Variants in PTPRM observed in about 807,000 individuals in gnomAD.
The protein encoded by PTPRM is receptor-type tyrosine-protein phosphatase mu.
A neutral mutation model predicts 186.7 loss-of-function variants in PTPRM; 47 were observed. The ratio of observed to expected loss-of-function variants is 0.25; its 90% CI spans 0.20 to 0.32. PTPRM has a LOEUF of 0.32. PTPRM is among the 10% of genes least tolerant of loss of function. The pLI is 1.00. For missense variants in PTPRM, 1,494 were observed against 1,865.0 expected (o/e 0.80, Z 3.66); for synonymous variants, 668 against 674.9 (o/e 0.99, Z 0.16).
At chr18:8,167,643 A>G (rs2093342057) in intron 14 of PTPRM, among the ~76,000 whole-genome samples, 1 of 152,218 alleles carries the variant, frequency 6.6e-6, no homozygotes, top group South Asian at 2.1e-4. Context: ...TCTTGGAAGC[A>G]TCTGTGGTCC....
intron 1 of PTPRM, among the ~76,000 whole-genome samples, chr18:7,597,469 T>G (rs1386505806): frequency 6.6e-6 from 1 of 152,140 alleles, no homozygotes; most frequent in Non-Finnish European, 1.5e-5. Flanking sequence ...GTTTTGTTAC[T>G]CTCTTTGGCA....
At chr18:7,875,514 C>T (rs1437557811) in intron 2 of PTPRM, among the ~76,000 whole-genome samples, 7 of 152,026 alleles carry the variant, frequency 4.6e-5, no homozygotes, top group East Asian at 2.0e-4. Flanking sequence ...TTAGCAGAGA[C>T]GGGGTTTCAC....
intron 1 of PTPRM, among the ~76,000 whole-genome samples, chr18:7,669,342 G>A (rs921624446): frequency 1.3e-5 from 2 of 151,300 alleles, no homozygotes; most frequent in African/African-American, 4.9e-5. Context: ...TGGCTTGGGT[G>A]TTGAGCAGGG....
At chr18:7,698,073 A>G (rs982335568) in intron 1 of PTPRM, among the ~76,000 whole-genome samples, 8 of 152,228 alleles carry the variant, frequency 5.3e-5, no homozygotes, top group African/African-American at 1.9e-4. Context: ...ACTGTGGAAG[A>G]CATGAGTGGT....
intron 1 of PTPRM, among the ~76,000 whole-genome samples, chr18:7,643,404 A>G (rs2038490099): frequency 6.6e-6 from 1 of 152,046 alleles, no homozygotes; most frequent in Admixed American, 6.5e-5. Flanking sequence ...CAGTGGTGCA[A>G]TCTTGGCTTA....
intron 4 of PTPRM, among the ~76,000 whole-genome samples, chr18:7,914,968 A>T (rs529981838): frequency 1.3e-5 from 2 of 152,300 alleles, no homozygotes; most frequent in East Asian, 1.9e-4. Flanking sequence ...GTTAGGACAT[A>T]GTCCTCTTGT....
chr18:7,834,738 C>T (rs1161130151), intron 2 of PTPRM, among the ~76,000 whole-genome samples: 1 of 151,694 alleles, frequency 6.6e-6, no homozygotes, highest in African/African-American at 2.4e-5. Flanking sequence ...ATCATCAGGT[C>T]CTGGCATTTT....
intron 7 of PTPRM, among the ~76,000 whole-genome samples, chr18:7,974,357 G>A (rs1464869229): frequency 6.6e-6 from 1 of 152,190 alleles, no homozygotes; most frequent in Admixed American, 6.5e-5. Flanking sequence ...CTCCATTGGT[G>A]TGCAGTGTGT....
At chr18:8,165,346 T>C (rs1015411360) in intron 14 of PTPRM, among the ~76,000 whole-genome samples, 1 of 152,128 alleles carries the variant, frequency 6.6e-6, no homozygotes, top group Non-Finnish European at 1.5e-5. Flanking sequence ...TTTTAGACTG[T>C]TAGGCCAAGG....
At chr18:8,212,756 A>T (rs1170137951) in intron 14 of PTPRM, among the ~76,000 whole-genome samples, 1 of 152,190 alleles carries the variant, frequency 6.6e-6, no homozygotes, top group South Asian at 2.1e-4. Context: ...TCAGTGAGCT[A>T]TGACTGACCT....
At chr18:8,027,065 A>G (rs2085616377) in intron 7 of PTPRM, among the ~76,000 whole-genome samples, 1 of 152,190 alleles carries the variant, frequency 6.6e-6, no homozygotes, top group African/African-American at 2.4e-5. Flanking sequence ...ATAGATATCC[A>G]TTTTTACTGG....
rs371346875 is a variant in PTPRM at position 8,250,693 on chromosome 18, G to A, written c.2555-1795G>A. 1.1e-4 allele frequency among the ~76,000 whole-genome samples: 17 copies of A among 151,904 alleles called. 1 individual carries two copies. The Middle Eastern group carries it at 0.017, about 152-fold the overall frequency. On this transcript the variant is annotated intron_variant, in intron 17 of 32. Transcript: ENST00000580170. ...ATTCCCAGCTACTCAAGAGGCTGAG[G>A]CAGGAGGATTGCTGGAGCCCAGGAG...
At chr18:7,961,221 T>C (rs75782432) in intron 7 of PTPRM, among the ~76,000 whole-genome samples, 2,859 of 152,314 alleles carry the variant, frequency 0.019, 99 homozygotes, top group African/African-American at 0.066. Context: ...ACTAGTTTCA[T>C]TGAGAATCTT....
At chr18:7,807,424 G>A (rs1173889113) in intron 2 of PTPRM, among the ~76,000 whole-genome samples, 1 of 152,184 alleles carries the variant, frequency 6.6e-6, no homozygotes, top group African/African-American at 2.4e-5. Context: ...CAGCTGATAC[G>A]CATAGGTTTT....
chr18:8,250,641 T>C (rs1413356620), intron 17 of PTPRM, among the ~76,000 whole-genome samples: 1 of 151,556 alleles, frequency 6.6e-6, no homozygotes, highest in African/African-American at 2.4e-5. Context: ...AATAATAAAT[T>C]AGCCAGGCAT....
chr18:8,343,678 T>C (rs916400252), intron 23 of PTPRM, among the ~76,000 whole-genome samples, 158 bp downstream of exon 23: 1 of 152,234 alleles, frequency 6.6e-6, no homozygotes, highest in African/African-American at 2.4e-5. Context: ...TTATAAATTA[T>C]CAGTAAACAT....
chr18:7,649,400 T>G (rs1393189155), intron 1 of PTPRM, among the ~76,000 whole-genome samples: 1 of 152,222 alleles, frequency 6.6e-6, no homozygotes, highest in African/African-American at 2.4e-5. Flanking sequence ...ATATATTTTG[T>G]AAGGCTATAG....
At chr18:8,114,756 G>A (rs1349634444) in intron 12 of PTPRM, 35 bp from the exon 13 acceptor site, 6 of 1,550,756 alleles carry the variant, frequency 3.9e-6, no homozygotes, top group Non-Finnish European at 3.5e-6. Context: ...AAGAAAACAT[G>A]AATAATGATT....
At chr18:8,403,743 G>A (rs1444725150) in intron 32 of PTPRM, 2 of 152,090 alleles carry the variant, frequency 1.3e-5, no homozygotes, top group South Asian at 2.1e-4. Context: ...CCACTTCCAG[G>A]CTCTGGCAAC....
Sources: allele counts gnomAD v4.1 joint callset (sites outside exome capture counted in the v4.1 genomes callset), GRCh38; gene constraint gnomAD v4.1.1; transcripts MANE v1.5; gene names NCBI Gene and HGNC (gene_info 2026-07-23, HGNC 2026-07-21).